CCM2: variants seen among roughly 807,000 people sequenced by gnomAD.
The protein encoded by CCM2 is CCM2 scaffold protein.
A neutral mutation model predicts 44.9 loss-of-function variants in CCM2; 25 were observed. The observed-to-expected ratio is 0.56, with a 90% CI of 0.41 to 0.78. The LOEUF is 0.78. Ranked by LOEUF, CCM2 falls within the 30% of genes least tolerant of loss-of-function variation. The pLI is 0.00. For missense variants in CCM2, 481 were observed against 580.6 expected (o/e 0.83, Z 1.76); for synonymous variants, 219 against 241.1 (o/e 0.91, Z 0.85).
At chr7:45,042,601 A>C (rs963319322) in intron 2 of CCM2, among the ~76,000 whole-genome samples, 1 of 152,220 alleles carries the variant, frequency 6.6e-6, no homozygotes, top group Non-Finnish European at 1.5e-5. Flanking sequence ...CATAATGAGG[A>C]CCAGTGGCAC....
rs10596429 is a variant in CCM2 at position 45,023,787 on chromosome 7, G to GTTTTTTTTTTTTTTTT, written c.31-14443_31-14428dup. On this transcript the variant is annotated intron_variant, in intron 1 of 9. Coordinates refer to ENST00000258781, the MANE Select transcript of CCM2 (RefSeq NM_031443.4). ...TCATTATTTTGATAGCTCTGTATCA[G>GTTTTTTTTTTTTTTTT]TTTTTTTTTTTTTTTTTTTTTTTTT... Among the ~76,000 whole-genome samples the GTTTTTTTTTTTTTTTT allele has an allele frequency of 6.8e-5, 4 of 58,644 alleles. 1 individual carries two copies. The highest frequency in any genetic ancestry group is 1.2e-4 in the Non-Finnish European group (4 of 33,950). The allele number at this position is 58,644 out of a possible 152,430, so 38.5% of individuals were successfully genotyped here.
intron 7 of CCM2, chr7:45,073,176 G>A: frequency 1.7e-6 from 1 of 575,452 alleles, no homozygotes. Context: ...CCCAACCCTG[G>A]CTCCTTCCCC....
chr7:45,031,226 A>G (rs1796950431), intron 1 of CCM2, among the ~76,000 whole-genome samples: 1 of 151,496 alleles, frequency 6.6e-6, no homozygotes, highest in Non-Finnish European at 1.5e-5. Context: ...CTATAAAAAT[A>G]CAAAAATTAG....
intron 1 of CCM2, chr7:45,027,182 T>C (rs1796726346): frequency 4.2e-6 from 1 of 237,572 alleles, no homozygotes; most frequent in Non-Finnish European, 8.4e-6. Context: ...GAGTTATCTC[T>C]GTAAAGATCT....
chr7:45,008,356 C>CTTTTTTTTTTTTTTTTT (rs59435094), intron 1 of CCM2, among the ~76,000 whole-genome samples: 1 of 114,776 alleles, frequency 8.7e-6, no homozygotes, highest in Non-Finnish European at 1.7e-5. Context: ...GGTACATGTT[C>CTTTTTTTTTTTTTTTTT]TTTTTTTTTT....
Position 45,000,235 on chromosome 7 carries a change from G to C in CCM2, c.-99G>C, listed in dbSNP as rs1276227344. ...GGGCCCGGCTGGCGGGCGGCGCCGG[G>C]AGCGCGGGGGCGGCGGGCCCGGGTC... On this transcript the variant is annotated 5_prime_UTR_variant, in exon 1 of 10. Coordinates refer to ENST00000258781, the MANE Select transcript of CCM2 (RefSeq NM_031443.4). The C allele has an allele frequency of 2.5e-5, 19 of 757,900 alleles. 1 individual carries two copies. In the South Asian group the frequency reaches 1.1e-3, roughly 44 times the overall value. 46.9% of individuals were successfully genotyped at this position (757,900 alleles called of 1,614,324 possible).
Position 45,027,518 on chromosome 7 carries a change from CTGTT to C in CCM2, c.31-10732_31-10729del, listed in dbSNP as rs973621430. ...CTTTGTGTCTTTTTGTGCATGCAGACTGTTTGGATTTTGCCAACAGTTTCTGGGT... is the reference window on the plus strand; with the variant it reads ...CTTTGTGTCTTTTTGTGCATGCAGACTGGATTTTGCCAACAGTTTCTGGGT... On this transcript the variant is annotated intron_variant, in intron 1 of 9. Transcript: ENST00000258781. 3.0e-6 allele frequency: 3 copies of C among 1,015,154 alleles called. No individual in the cohort carries two copies. The African/African-American group carries it at 4.8e-5, about 16-fold the overall frequency. The allele number at this position is 1,015,154 out of a possible 1,614,324, so 62.9% of individuals were successfully genotyped here.
intron 6 of CCM2, chr7:45,071,862 C>T (rs1212644863): frequency 6.6e-6 from 3 of 456,724 alleles, no homozygotes; most frequent in East Asian, 6.9e-5. Context: ...GGGTCATCTC[C>T]CTATTTCAAG....
At chr7:45,061,117 A>G (rs1798497921) in intron 2 of CCM2, among the ~76,000 whole-genome samples, 1 of 152,124 alleles carries the variant, frequency 6.6e-6, no homozygotes, top group South Asian at 2.1e-4. Flanking sequence ...TTCCTTCTTA[A>G]ATAGAGTCTG....
chr7:45,060,067 C>T (rs565253123), intron 2 of CCM2, among the ~76,000 whole-genome samples: 65 of 152,340 alleles, frequency 4.3e-4, no homozygotes, highest in Non-Finnish European at 4.4e-5. Context: ...TTTTCCCCTT[C>T]TTTACATAGA....
intron 2 of CCM2, among the ~76,000 whole-genome samples, chr7:45,042,265 CA>C (rs71565940): frequency 4.9e-5 from 5 of 102,402 alleles, no homozygotes; most frequent in South Asian, 7.3e-4. Context: ...GATTCCATCT[CA>C]AAAAAAAAAG....
chr7:45,022,567 A>G (rs1168221054), intron 1 of CCM2, among the ~76,000 whole-genome samples: 1 of 151,226 alleles, frequency 6.6e-6, no homozygotes, highest in African/African-American at 2.4e-5. Context: ...CGGCCTCCCA[A>G]AGTGCTGGGA....
chr7:45,023,764 A>T (rs1187319539), intron 1 of CCM2, among the ~76,000 whole-genome samples: 1 of 67,662 alleles, frequency 1.5e-5, no homozygotes, highest in Non-Finnish European at 3.2e-5. Flanking sequence ...TTGTTTAGTC[A>T]TTATTTTGAT....
In CCM2 at chr7:45,069,858, C is replaced by T; in HGVS notation, c.642C>T (p.Gly214=). The part of the protein sequence containing the change: ...VAAEELCCLL[G]QVFQVVYTES... ...CGGAGGAGCTTTGCTGTCTGCTAGG[C>T]CAGGTCTTCCAGGTTGTTTACACGG... The change falls in exon 6 of 10, where the codon GGC becomes GGT. Residue 214 remains glycine, a synonymous_variant. Coordinates refer to ENST00000258781, the MANE Select transcript of CCM2 (RefSeq NM_031443.4). 6.2e-7 allele frequency: 1 copy of T among 1,614,224 alleles called. No individual in the cohort carries two copies. Among genetic ancestry groups the T allele is most frequent in the Non-Finnish European group, 8.5e-7 (1 of 1,180,046 alleles).
intron 1 of CCM2, 112 bp from the exon 2 acceptor site, chr7:45,038,141 T>TGGCAGTCA (rs1797314491): frequency 7.9e-7 from 1 of 1,263,098 alleles, no homozygotes; most frequent in African/African-American, 1.5e-5. Flanking sequence ...CAGTGATCCC[T>TGGCAGTCA]GTTGCATGGG....
chr7:45,029,440 A>G (rs1229821700), intron 1 of CCM2: 1 of 152,270 alleles, frequency 6.6e-6, no homozygotes, highest in East Asian at 1.9e-4. Context: ...TTCTTCCTTC[A>G]TAGACTTTTT....
At chr7:45,020,034 C>T (rs1237931675) in intron 1 of CCM2, among the ~76,000 whole-genome samples, 1 of 152,164 alleles carries the variant, frequency 6.6e-6, no homozygotes, top group Non-Finnish European at 1.5e-5. Context: ...TCCTATATTT[C>T]CCTCTCAATT....
intron 1 of CCM2, chr7:45,027,859 G>T (rs1200491417): frequency 6.4e-7 from 1 of 1,569,626 alleles, no homozygotes; most frequent in Non-Finnish European, 8.8e-7. Flanking sequence ...GTCCCTTGTG[G>T]GTGGCTTTCA....
intron 4 of CCM2, among the ~76,000 whole-genome samples, chr7:45,065,378 T>C (rs1798724215): frequency 6.6e-6 from 1 of 152,218 alleles, no homozygotes; most frequent in East Asian, 1.9e-4. Context: ...GGGGACAGTA[T>C]CCTGGGCTCC....
Sources: gnomAD v4.1 joint callset for allele counts (sites outside exome capture counted in the v4.1 genomes callset) on GRCh38, gnomAD v4.1.1 for gene constraint, MANE v1.5 for transcripts, NCBI Gene and HGNC (gene_info 2026-07-23, HGNC 2026-07-21) for gene names.